PCCA: variants seen among roughly 807,000 people sequenced by gnomAD.
PCCA encodes propionyl-CoA carboxylase subunit alpha.
A neutral mutation model predicts 101.3 loss-of-function variants in PCCA; 74 were observed. The ratio of observed to expected loss-of-function variants is 0.73; its 90% confidence interval spans 0.61 to 0.89. The LOEUF is 0.89. Among genes scored for constraint, PCCA ranks in the 40% least tolerant of loss-of-function variants. PCCA has a pLI of 0.00. For missense variants in PCCA, 891 were observed against 907.0 expected, an observed-to-expected ratio of 0.98 and a Z score of 0.23; for synonymous variants, 294 against 313.6, an observed-to-expected ratio of 0.94 and a Z score of 0.66.
intron 19 of PCCA, among the ~76,000 whole-genome samples, chr13:100,391,305 CGGGTGGAGATGAA>C: frequency 6.6e-6 from 1 of 152,052 alleles, no homozygotes; most frequent in Non-Finnish European, 1.5e-5. Flanking sequence ...GACAAAGGAG[CGGGTGGAGATGAA>C]GGGAGAGTTG....
intron 6 of PCCA, among the ~76,000 whole-genome samples, chr13:100,178,820 G>A (rs1594562863): frequency 6.6e-6 from 1 of 152,032 alleles, no homozygotes; most frequent in African/African-American, 2.4e-5. Context: ...GCTCATGCCT[G>A]TAATCCCAGC....
intron 6 of PCCA, among the ~76,000 whole-genome samples, chr13:100,190,860 A>G (rs112909612): frequency 3.3e-5 from 5 of 152,180 alleles, no homozygotes; most frequent in African/African-American, 1.2e-4. Context: ...CACTTTGGGA[A>G]GCTGAGATAG....
chr13:100,274,094 C>T (rs1017969252), intron 12 of PCCA, among the ~76,000 whole-genome samples: 14 of 152,202 alleles, frequency 9.2e-5, no homozygotes, highest in African/African-American at 3.1e-4. Context: ...TTTTCTTCTC[C>T]TTCTCAATGA....
rs1555429132 is a variant in PCCA at position 100,348,920 on chromosome 13, T to TTTCTTTCTTTCCTTCCTTCCTTCC, written c.1643+8663_1643+8664insCTTTCTTTCCTTCCTTCCTTCCTT. Among the ~76,000 whole-genome samples, 16 of 89,020 alleles carry TTTCTTTCTTTCCTTCCTTCCTTCC rather than the reference T, an allele frequency of 1.8e-4. 2 individuals carry two copies. The highest frequency in any genetic ancestry group is 3.5e-4 in the Non-Finnish European group (15 of 42,864). The allele number at this position is 89,020 out of a possible 152,430, so 58.4% of individuals were successfully genotyped here. ...TTCCTTCCTTCCTTCCTTTCTTTTCTTTTCTTTTCTTTTCTTTCTTTTCTT... is the reference window on the plus strand; with the variant it reads ...TTCCTTCCTTCCTTCCTTTCTTTTCTTTCTTTCTTTCCTTCCTTCCTTCCTTTCTTTTCTTTTCTTTCTTTTCTT... On this transcript the variant is annotated intron_variant, in intron 18 of 23. Coordinates refer to ENST00000376285, the MANE Select transcript of PCCA (RefSeq NM_000282.4).
chr13:100,247,256 C>T lies in PCCA; in HGVS notation c.638-10339C>T, dbSNP rs113810603. 3.2e-3 allele frequency among the ~76,000 whole-genome samples: 436 copies of T among 136,824 alleles called. 6 individuals are homozygous for T. The highest frequency in any genetic ancestry group is 0.012 in the African/African-American group (420 of 36,060). The allele number at this position is 136,824 out of a possible 152,430, so 89.8% of individuals were successfully genotyped here. On this transcript the variant is annotated intron_variant, in intron 8 of 23. Transcript: ENST00000376285. ...TTTTTGAGACAGAGTCTCACTCTGT[C>T]GCCCAGACGGGAGTACAGTGGCATG...
intron 19 of PCCA, among the ~76,000 whole-genome samples, chr13:100,380,082 C>T (rs1243266980): frequency 6.6e-6 from 1 of 152,034 alleles, no homozygotes; most frequent in Non-Finnish European, 1.5e-5. Flanking sequence ...AAAAAACACG[C>T]CAGTCACATT....
At chr13:100,369,083 A>G (rs2075400051) in intron 19 of PCCA, among the ~76,000 whole-genome samples, 1 of 152,238 alleles carries the variant, frequency 6.6e-6, no homozygotes, top group Non-Finnish European at 1.5e-5. Flanking sequence ...TCTAGTCTAT[A>G]GTGAACAAGA....
chr13:100,426,894 A>G (rs149327946), intron 20 of PCCA, among the ~76,000 whole-genome samples: 2 of 152,318 alleles, frequency 1.3e-5, no homozygotes, highest in East Asian at 3.9e-4. Flanking sequence ...ATTTCACATT[A>G]CTTAGATCCA....
At chr13:100,324,368 T>G (rs1353909665) in intron 16 of PCCA, among the ~76,000 whole-genome samples, 2 of 152,236 alleles carry the variant, frequency 1.3e-5, no homozygotes, top group Non-Finnish European at 2.9e-5. Context: ...AACACTGGTT[T>G]GAACTGTGCA....
At chr13:100,407,670 T>C (rs1247496458) in intron 19 of PCCA, among the ~76,000 whole-genome samples, 1 of 152,236 alleles carries the variant, frequency 6.6e-6, no homozygotes, top group African/African-American at 2.4e-5. Flanking sequence ...ACCACTTGTT[T>C]GAACCTTCAG....
chr13:100,157,945 T>C (rs1359631154), intron 6 of PCCA, among the ~76,000 whole-genome samples: 2 of 152,256 alleles, frequency 1.3e-5, no homozygotes, highest in Non-Finnish European at 2.9e-5. Context: ...TAATATGTTA[T>C]ACTTGTTTCT....
intron 12 of PCCA, among the ~76,000 whole-genome samples, chr13:100,280,026 T>G (rs2063967241): frequency 8.6e-6 from 1 of 115,992 alleles, no homozygotes; most frequent in South Asian, 2.7e-4. Context: ...TTTTTTTTTT[T>G]GGTAACAGAA....
At position 100,154,535 on chromosome 13, in the gene PCCA, A is replaced by G. The variant is rs572146777; in HGVS notation, c.301-444A>G. ...GGTGCTGACCTGATGCTGTGCAGGG[A>G]CACTCACTGCATCCCTCCATTCAGT... On this transcript the variant is annotated intron_variant, in intron 4 of 23. Transcript: ENST00000376285. The G allele has an allele frequency of 2.1e-5, 5 of 233,412 alleles. No individual in the cohort carries two copies. The South Asian group carries it at 3.1e-4, about 15-fold the overall frequency. 14.5% of individuals were successfully genotyped at this position (233,412 alleles called of 1,614,324 possible). A position where few individuals can be genotyped will look rare whatever the true frequency, so the allele number is the denominator to read the frequency against.
chr13:100,142,973 C>T (rs2052070267), intron 4 of PCCA, among the ~76,000 whole-genome samples: 2 of 152,156 alleles, frequency 1.3e-5, no homozygotes, highest in African/African-American at 4.8e-5. Flanking sequence ...TCCCCTGATA[C>T]ATTTATGTTT....
intron 6 of PCCA, among the ~76,000 whole-genome samples, chr13:100,173,909 A>G (rs2055973181): frequency 6.6e-6 from 1 of 152,198 alleles, no homozygotes; most frequent in South Asian, 2.1e-4. Context: ...CTGCCATGTA[A>G]GACATGCCTT....
At chr13:100,477,080 G>A (rs536390598) in intron 21 of PCCA, among the ~76,000 whole-genome samples, 14 of 152,176 alleles carry the variant, frequency 9.2e-5, no homozygotes, top group African/African-American at 1.2e-4. Flanking sequence ...GGTAATGACC[G>A]AGGGCACCTG....
intron 21 of PCCA, among the ~76,000 whole-genome samples, chr13:100,460,130 A>G (rs576879997): frequency 6.6e-6 from 1 of 152,234 alleles, no homozygotes; most frequent in South Asian, 2.1e-4. Flanking sequence ...CAAATTGCAA[A>G]TTGTCTGGGT....
chr13:100,299,754 T>C (rs9518046), intron 12 of PCCA, among the ~76,000 whole-genome samples: 149,751 of 152,262 alleles, frequency 0.98, 73,691 homozygotes, highest in East Asian at 1. Flanking sequence ...ATCGCTCTGT[T>C]GCCCAGACTG....
At chr13:100,341,244 C>T (rs2071264143) in intron 18 of PCCA, among the ~76,000 whole-genome samples, 1 of 152,186 alleles carries the variant, frequency 6.6e-6, no homozygotes. Context: ...GGAAAATGGT[C>T]AATAGAACCG....
Sources: gnomAD v4.1 joint callset for allele counts (sites outside exome capture counted in the v4.1 genomes callset) on GRCh38, gnomAD v4.1.1 for gene constraint, MANE v1.5 for transcripts, NCBI Gene and HGNC (gene_info 2026-07-23, HGNC 2026-07-21) for gene names.